NTNG1: variants seen among roughly 807,000 people sequenced by gnomAD.
NTNG1 encodes the protein netrin G1, also known as netrin-G1.
In NTNG1, 16 loss-of-function variants were observed where a neutral mutation model predicts 54.0. The ratio of observed to expected loss-of-function variants is 0.30; its 90% CI spans 0.20 to 0.45. NTNG1 has a LOEUF of 0.45. Ranked by LOEUF, NTNG1 falls within the 20% of genes least tolerant of loss-of-function variation. NTNG1 has a pLI of 1.00. For synonymous variants in NTNG1, 255 were observed against 263.1 expected (o/e 0.97, Z 0.30); for missense variants, 530 against 678.7 (o/e 0.78, Z 2.43).
intron 3 of NTNG1, among the ~76,000 whole-genome samples, chr1:107,386,108 C>CAT (rs1470215292): frequency 7.0e-6 from 1 of 143,008 alleles, no homozygotes; most frequent in Non-Finnish European, 1.5e-5. Context: ...TATATATATA[C>CAT]ACATATATAT....
At chr1:107,332,063 A>C (rs1668314411) in intron 3 of NTNG1, among the ~76,000 whole-genome samples, 1 of 152,096 alleles carries the variant, frequency 6.6e-6, no homozygotes, top group African/African-American at 2.4e-5. Context: ...TATCGTATGC[A>C]CCCATTGTAA....
intron 5 of NTNG1, among the ~76,000 whole-genome samples, chr1:107,415,041 G>A (rs1477292817): frequency 6.6e-6 from 1 of 152,090 alleles, no homozygotes; most frequent in Non-Finnish European, 1.5e-5. Flanking sequence ...AGGCAGTTGT[G>A]GAATAAATGA....
chr1:107,158,577 G>T (rs552896329), intron 2 of NTNG1, among the ~76,000 whole-genome samples: 1 of 152,254 alleles, frequency 6.6e-6, no homozygotes, highest in African/African-American at 2.4e-5. Context: ...TATCTGCACA[G>T]TGATTTTTCA....
chr1:107,215,059 A>AT (rs563211435), intron 2 of NTNG1, among the ~76,000 whole-genome samples: 359 of 151,380 alleles, frequency 2.4e-3, no homozygotes, highest in African/African-American at 7.9e-3. Context: ...AATTGTGAAG[A>AT]TTTTCTCCCA....
chr1:107,392,453 G>T (rs546686634), intron 3 of NTNG1, among the ~76,000 whole-genome samples: 1 of 152,154 alleles, frequency 6.6e-6, no homozygotes, highest in African/African-American at 2.4e-5. Flanking sequence ...AGAACCCAGA[G>T]AACAGCATGT....
chr1:107,326,180 C>T (rs749716729), intron 3 of NTNG1, among the ~76,000 whole-genome samples: 30 of 152,038 alleles, frequency 2.0e-4, no homozygotes, highest in Non-Finnish European at 3.5e-4. Context: ...GCAGTAGAAA[C>T]TGGTGGCCAT....
intron 7 of NTNG1, 110 bp from the exon 8 acceptor site, chr1:107,480,501 G>C: frequency 1.4e-6 from 1 of 690,540 alleles, no homozygotes; most frequent in East Asian, 2.8e-5. Context: ...CACAAAGATC[G>C]ATAGAGATTT....
intron 2 of NTNG1, among the ~76,000 whole-genome samples, chr1:107,288,165 TC>T (rs1323217254): frequency 6.6e-6 from 1 of 152,010 alleles, no homozygotes; most frequent in Non-Finnish European, 1.5e-5. Context: ...AAGAATAGCA[TC>T]AACAGGGTGG....
At chr1:107,193,865 G>A (rs1658134364) in intron 2 of NTNG1, among the ~76,000 whole-genome samples, 1 of 150,366 alleles carries the variant, frequency 6.7e-6, no homozygotes, top group South Asian at 2.1e-4. Flanking sequence ...TTCCTTTTGA[G>A]TGAGTAAAAA....
intron 3 of NTNG1, among the ~76,000 whole-genome samples, chr1:107,388,734 C>T (rs1672180171): frequency 6.6e-6 from 1 of 152,164 alleles, no homozygotes. Context: ...GTCCCAGTGT[C>T]ATAACTCATC....
chr1:107,277,880 C>A (rs773851745), intron 2 of NTNG1, among the ~76,000 whole-genome samples: 2 of 152,132 alleles, frequency 1.3e-5, no homozygotes, highest in African/African-American at 4.8e-5. Context: ...TATAAATAAA[C>A]CAGTCTTTCT....
intron 3 of NTNG1, among the ~76,000 whole-genome samples, chr1:107,337,874 A>C (rs1228223694): frequency 6.6e-6 from 1 of 152,074 alleles, no homozygotes; most frequent in African/African-American, 2.4e-5. Context: ...GCAACAGAAA[A>C]TAAGTTTTAG....
chr1:107,185,691 T>C (rs1435978337), intron 2 of NTNG1, among the ~76,000 whole-genome samples: 1 of 152,156 alleles, frequency 6.6e-6, no homozygotes, highest in East Asian at 1.9e-4. Flanking sequence ...TCGTTTGTGC[T>C]GTGCTTCAAT....
At chr1:107,480,569 T>TCAC in intron 7 of NTNG1, 42 bp from the exon 8 acceptor site, 2 of 609,596 alleles carry the variant, frequency 3.3e-6, no homozygotes, top group Non-Finnish European at 6.2e-6. Context: ...CTGCTTCTCC[T>TCAC]CCCCGCGCCC....
At chr1:107,207,306 T>G (rs921677113) in intron 2 of NTNG1, among the ~76,000 whole-genome samples, 2 of 152,136 alleles carry the variant, frequency 1.3e-5, no homozygotes, top group Non-Finnish European at 2.9e-5. Context: ...CCTATTTTCC[T>G]CCCATAACTG....
At chr1:107,231,500 G>A (rs1410300605) in intron 2 of NTNG1, among the ~76,000 whole-genome samples, 1 of 152,264 alleles carries the variant, frequency 6.6e-6, no homozygotes, top group East Asian at 1.9e-4. Context: ...AGGACTATTT[G>A]TGGTATTTTG....
At chr1:107,388,629 C>T (rs904541845) in intron 3 of NTNG1, among the ~76,000 whole-genome samples, 3 of 152,176 alleles carry the variant, frequency 2.0e-5, no homozygotes, top group East Asian at 1.9e-4. Context: ...ACAATGGTAG[C>T]TTTGTTTAGT....
At chr1:107,228,915 G>T (rs544047182) in intron 2 of NTNG1, among the ~76,000 whole-genome samples, 1 of 152,106 alleles carries the variant, frequency 6.6e-6, no homozygotes, top group Non-Finnish European at 1.5e-5. Flanking sequence ...ATTGCTCCCC[G>T]CAGTGCATTT....
At chr1:107,322,140 T>C (rs978372138) in intron 2 of NTNG1, among the ~76,000 whole-genome samples, 2 of 152,120 alleles carry the variant, frequency 1.3e-5, no homozygotes, top group African/African-American at 4.8e-5. Context: ...ATTGACCAAT[T>C]TCCAGAAGCA....
Sources: gnomAD v4.1 joint callset for allele counts (sites outside exome capture counted in the v4.1 genomes callset) on GRCh38, gnomAD v4.1.1 for gene constraint, MANE v1.5 for transcripts, NCBI Gene and HGNC (gene_info 2026-07-23, HGNC 2026-07-21) for gene names.